Variants in MR1 observed in about 807,000 individuals in gnomAD.
MR1 encodes the protein major histocompatibility complex, class I-related.
MR1 carries 44 observed loss-of-function variants against 37.8 expected under a neutral mutation model. The observed-to-expected ratio is 1.16, with a 90% confidence interval of 0.91 to 1.50. The LOEUF (loss-of-function observed/expected upper bound fraction) is 1.50. Ranked by LOEUF, MR1 falls within the 40% of genes most tolerant of loss-of-function variation. The pLI, the probability that MR1 is intolerant of heterozygous loss-of-function variation, is 0.00. For missense variants in MR1, 386 were observed against 419.1 expected (o/e 0.92, Z 0.69); for synonymous variants, 153 against 155.8 (o/e 0.98, Z 0.13).
chr1:181,040,933 TTAGC>T (rs976016398), intron 1 of MR1, among the ~76,000 whole-genome samples: 43 of 151,888 alleles, frequency 2.8e-4, no homozygotes, highest in African/African-American at 1.0e-3. Context: ...AATAAAAAAA[TTAGC>T]TGGGTGTAGT....
intron 1 of MR1, among the ~76,000 whole-genome samples, chr1:181,038,837 C>T (rs747788660): frequency 6.6e-6 from 1 of 151,456 alleles, no homozygotes; most frequent in Non-Finnish European, 1.5e-5. Context: ...GAGTTTTGCT[C>T]TTATTGCCCA....
chr1:181,048,819 C>T (rs1256742870), intron 1 of MR1, among the ~76,000 whole-genome samples: 1 of 152,202 alleles, frequency 6.6e-6, no homozygotes, highest in Non-Finnish European at 1.5e-5. Flanking sequence ...AAATTCCATC[C>T]TGCATTTGCA....
At position 181,052,347 on chromosome 1, in the gene MR1, C is replaced by T. The variant is rs35223984; in HGVS notation, c.717C>T (p.Asn239=). 51,790 of 1,614,066 alleles carry T rather than the reference C, an allele frequency of 0.032. 1,005 individuals carry two copies. Among genetic ancestry groups the T allele is most frequent in the Non-Finnish European group, 0.041 (47,796 of 1,180,002 alleles). The part of the protein sequence containing the change: ...PPEIYMTWMK[N]GEEIVQEIDY... ...AAATTTACATGACATGGATGAAAAA[C>T]GGGGAAGAAATTGTCCAAGAAATTG... The change falls in exon 4 of 6, where the codon AAC becomes AAT. Residue 239 remains asparagine, a synonymous_variant. Transcript: ENST00000367580.
intron 4 of MR1, 64 bp downstream of exon 4, chr1:181,052,574 TGCTC>T: frequency 6.5e-7 from 1 of 1,543,956 alleles, no homozygotes; most frequent in Non-Finnish European, 8.8e-7. Flanking sequence ...CAGGAAACCA[TGCTC>T]GCTGCCAGGG....
intron 5 of MR1, among the ~76,000 whole-genome samples, chr1:181,054,214 C>G (rs1571401694): frequency 6.6e-6 from 1 of 152,168 alleles, no homozygotes; most frequent in Non-Finnish European, 1.5e-5. Flanking sequence ...TATATAGGCT[C>G]TTGATAATGT....
rs1047664225 is a variant in MR1 at position 181,048,072 on chromosome 1, G to A, written c.68-980G>A. ...CTCTACTAAAAATACAAAAAAATTA[G>A]CCAGGCGTGGTGACCAGTGCCTGTT... On this transcript the variant is annotated intron_variant, in intron 1 of 5. Coordinates refer to ENST00000367580, the MANE Select transcript of MR1 (RefSeq NM_001385161.1). 8.0e-5 allele frequency among the ~76,000 whole-genome samples: 12 copies of A among 150,928 alleles called. No individual in the cohort carries two copies. In the East Asian group the frequency reaches 2.3e-3, roughly 30 times the overall value.
Position 181,053,673 on chromosome 1 carries a change from C to T in MR1, c.981C>T (p.Pro327=), listed in dbSNP as rs1290151537. Residue 327 remains proline, a synonymous_variant, in exon 5 of 6, where the codon CCC becomes CCT. Coordinates refer to ENST00000367580, the MANE Select transcript of MR1 (RefSeq NM_001385161.1). ...GVGVLVWRRR[P]REQNGAIYLP... is the part of the protein sequence containing the mutation. Reference sequence around the variant, plus strand: ...GTGTTCTAGTCTGGAGAAGAAGGCCCCGAGGTGAGAGGCACATGGAAGGGA... The same window carrying T: ...GTGTTCTAGTCTGGAGAAGAAGGCCTCGAGGTGAGAGGCACATGGAAGGGA... 1 of 1,610,430 alleles carries T rather than the reference C, an allele frequency of 6.2e-7. No homozygotes were observed. The highest frequency in any genetic ancestry group is 8.5e-7 in the Non-Finnish European group (1 of 1,176,700).
Position 181,049,838 on chromosome 1 carries a change from A to T in MR1, c.329-173A>T, listed in dbSNP as rs978858269. 19 of 667,026 alleles carry T rather than the reference A, an allele frequency of 2.8e-5. No homozygotes were observed. In the African/African-American group the frequency reaches 3.1e-4, roughly 11 times the overall value. The allele number at this position is 667,026 out of a possible 1,614,324, so 41.3% of individuals were successfully genotyped here. ...GTAGGTACTTCACAGATACCTGCTGACAGGTGGGCTTCCATAAGGGGGACC... is the reference window on the plus strand; with the variant it reads ...GTAGGTACTTCACAGATACCTGCTGTCAGGTGGGCTTCCATAAGGGGGACC... On this transcript the variant is annotated intron_variant, in intron 2 of 5. Transcript: ENST00000367580.
At chr1:181,046,155 AGCGCCACCCCTGCTCCACG>A (rs1394257086) in intron 1 of MR1, among the ~76,000 whole-genome samples, 16 of 152,228 alleles carry the variant, frequency 1.1e-4, no homozygotes, top group African/African-American at 3.4e-4. Context: ...CTCCCCGATG[AGCGCCACCCCTGCTCCACG>A]GCGCCAGTCC....
chr1:181,051,266 A>G (rs1658303912), intron 3 of MR1: 1 of 152,144 alleles, frequency 6.6e-6, no homozygotes, highest in African/African-American at 2.4e-5. Flanking sequence ...ACAAACAAAA[A>G]AAAAAAAGAA....
At chr1:181,052,657 A>G in intron 4 of MR1, 147 bp downstream of exon 4, 4 of 886,556 alleles carry the variant, frequency 4.5e-6, no homozygotes, top group Non-Finnish European at 6.7e-6. Context: ...TGGTTCTCAC[A>G]CTTTTTGGAA....
chr1:181,049,905 C>G, intron 2 of MR1, 106 bp from the exon 3 acceptor site: 1 of 1,331,432 alleles, frequency 7.5e-7, no homozygotes, highest in Non-Finnish European at 1.0e-6. Context: ...TGGGGGGTGA[C>G]ATAATGTAGA....
intron 1 of MR1, among the ~76,000 whole-genome samples, chr1:181,034,935 C>A (rs569188958): frequency 6.6e-6 from 1 of 152,280 alleles, no homozygotes; most frequent in African/African-American, 2.4e-5. Flanking sequence ...AAAGCCCCAA[C>A]TTGACCACTA....
At chr1:181,040,382 C>G (rs1164526313) in intron 1 of MR1, among the ~76,000 whole-genome samples, 1 of 152,150 alleles carries the variant, frequency 6.6e-6, no homozygotes, top group African/African-American at 2.4e-5. Flanking sequence ...TGCAACAAAT[C>G]CTGGTGGGAT....
chr1:181,046,039 T>C lies in MR1; in HGVS notation c.68-3013T>C, dbSNP rs1242497346. Among the ~76,000 whole-genome samples, 77 of 152,208 alleles carry C rather than the reference T, an allele frequency of 5.1e-4. 1 individual carries two copies. Among genetic ancestry groups the C allele is most frequent in the Non-Finnish European group, 2.9e-5 (2 of 68,022 alleles). ...CAGCCCACCAGCGCTGCAGCTCGAT[T>C]TCTCGCCGGGCCTTAGCTGCCTTCC... On this transcript the variant is annotated intron_variant, in intron 1 of 5. Coordinates refer to ENST00000367580, the MANE Select transcript of MR1 (RefSeq NM_001385161.1).
intron 2 of MR1, chr1:181,049,561 C>G (rs889963976): frequency 6.2e-5 from 35 of 565,310 alleles, no homozygotes; most frequent in Non-Finnish European, 1.0e-4. Context: ...GTATCTGCAT[C>G]CCATTTCCAC....
At chr1:181,035,433 A>G (rs1406800821) in intron 1 of MR1, among the ~76,000 whole-genome samples, 1 of 152,144 alleles carries the variant, frequency 6.6e-6, no homozygotes, top group Non-Finnish European at 1.5e-5. Flanking sequence ...CAAGACAAAC[A>G]TAGTCTCTGC....
At chr1:181,051,414 G>A (rs951613118) in intron 3 of MR1, 12 of 152,014 alleles carry the variant, frequency 7.9e-5, no homozygotes, top group South Asian at 2.1e-4. Context: ...ATCATGCCTC[G>A]GTAAAGAGAC....
chr1:181,049,879 G>C, intron 2 of MR1, 132 bp from the exon 3 acceptor site: 1 of 1,053,372 alleles, frequency 9.5e-7, no homozygotes, highest in East Asian at 2.4e-5. Flanking sequence ...GGGACTCAGC[G>C]ATGCCATGGC....
Sources: allele counts gnomAD v4.1 joint callset (sites outside exome capture counted in the v4.1 genomes callset), GRCh38; gene constraint gnomAD v4.1.1; transcripts MANE v1.5; gene names NCBI Gene and HGNC (gene_info 2026-07-23, HGNC 2026-07-21).